Variants in TIAM1 observed in about 807,000 individuals in gnomAD.
TIAM1 encodes the protein TIAM Rac1 associated GEF 1, also known as rho guanine nucleotide exchange factor TIAM1.
Under a neutral mutation model 163.5 loss-of-function variants are expected in TIAM1, and 65 were observed. The observed-to-expected ratio is 0.40, with a 90% CI of 0.33 to 0.49. The LOEUF (loss-of-function observed/expected upper bound fraction) is 0.49, where lower values mean the gene tolerates loss of function less well. Among genes scored for constraint, TIAM1 ranks in the 20% least tolerant of loss-of-function variants. TIAM1 has a pLI of 0.77. For synonymous variants in TIAM1, 833 were observed against 810.1 expected (o/e 1.03, Z -0.48); for missense variants, 1,789 against 2,044.7 (o/e 0.87, Z 2.41).
intron 2 of TIAM1, among the ~76,000 whole-genome samples, chr21:31,385,360 A>C (rs1008313115): frequency 4.5e-4 from 69 of 152,204 alleles, no homozygotes; most frequent in African/African-American, 1.3e-3. Flanking sequence ...AATGACTATT[A>C]TCAACCATCA....
intron 4 of TIAM1, among the ~76,000 whole-genome samples, chr21:31,260,794 A>G (rs2072426201): frequency 6.6e-6 from 1 of 151,992 alleles, no homozygotes; most frequent in African/African-American, 2.4e-5. Flanking sequence ...TTTGTTTTAT[A>G]AAAACCTGAG....
intron 9 of TIAM1, among the ~76,000 whole-genome samples, chr21:31,215,390 A>G (rs2087124797): frequency 1.3e-5 from 2 of 151,882 alleles, no homozygotes; most frequent in African/African-American, 4.8e-5. Context: ...GGAGTTCGAG[A>G]CCATCCTGAC....
At chr21:31,496,720 G>C (rs149061156) in intron 1 of TIAM1, among the ~76,000 whole-genome samples, 1 of 152,164 alleles carries the variant, frequency 6.6e-6, no homozygotes, top group East Asian at 1.9e-4. Flanking sequence ...CTCACTCACT[G>C]ACCCACTCAC....
chr21:31,131,015 A>G lies in TIAM1; in HGVS notation c.3884-67T>C, dbSNP rs1192544424. 5.9e-6 allele frequency: 8 copies of G among 1,366,668 alleles called. No individual in the cohort carries two copies. In the South Asian group the frequency reaches 7.0e-5, roughly 12 times the overall value. 84.7% of individuals were successfully genotyped at this position (1,366,668 alleles called of 1,614,324 possible). On this transcript the variant is annotated intron_variant, in intron 23 of 27. Coordinates refer to ENST00000541036, the MANE Select transcript of TIAM1 (RefSeq NM_001353694.2). The stretch of plus-strand genomic sequence containing the variant: ...TAGGGTTTTCCCCTTGACATCACCA[A>G]CTTGTGGTAATAAACACTACAGTTA...
At chr21:31,227,376 T>G (rs2088050905) in intron 6 of TIAM1, among the ~76,000 whole-genome samples, 1 of 152,216 alleles carries the variant, frequency 6.6e-6, no homozygotes, top group African/African-American at 2.4e-5. Context: ...TGATCAGTTT[T>G]GTATTCCACA....
At chr21:31,123,444 A>G (rs1027717236) in intron 27 of TIAM1, among the ~76,000 whole-genome samples, 3 of 152,238 alleles carry the variant, frequency 2.0e-5, no homozygotes, top group African/African-American at 7.2e-5. Flanking sequence ...AAAACTCAGC[A>G]AAGTGCTGGG....
Position 31,198,409 on chromosome 21 carries a change from C to T in TIAM1, c.2494-3104G>A, listed in dbSNP as rs184392637. On this transcript the variant is annotated intron_variant, in intron 12 of 27. Transcript: ENST00000541036. Reference sequence around the variant, plus strand: ...TTAATGCAATTTCCACCAAATGCAACGTGTCAAGGGCATGACTGAATGTGG... The same window carrying T: ...TTAATGCAATTTCCACCAAATGCAATGTGTCAAGGGCATGACTGAATGTGG... Among the ~76,000 whole-genome samples, 28 of 152,242 alleles carry T rather than the reference C, an allele frequency of 1.8e-4. No homozygotes were observed. The South Asian group carries it at 2.1e-3, about 11-fold the overall frequency.
intron 27 of TIAM1, among the ~76,000 whole-genome samples, chr21:31,121,534 C>G (rs1347871786): frequency 6.6e-6 from 1 of 152,168 alleles, no homozygotes; most frequent in Non-Finnish European, 1.5e-5. Flanking sequence ...TCCCTGTCTT[C>G]TTTCTGACAA....
chr21:31,229,016 A>G (rs1021539472), intron 6 of TIAM1, among the ~76,000 whole-genome samples: 1 of 152,224 alleles, frequency 6.6e-6, no homozygotes, highest in Non-Finnish European at 1.5e-5. Flanking sequence ...TTACCTTCCA[A>G]TGGGTCCCTC....
At chr21:31,158,997 G>A (rs61053564) in intron 16 of TIAM1, among the ~76,000 whole-genome samples, 120 of 152,112 alleles carry the variant, frequency 7.9e-4, no homozygotes, top group African/African-American at 2.9e-3. Flanking sequence ...TTCTCAACAC[G>A]CTCCCAAAAG....
In TIAM1 at chr21:31,297,242, A is replaced by G. The variant is rs536520936; in HGVS notation, c.-188-20334T>C. ...GACAAAAGAGGACAAATACTGTATG[A>G]TTCCACTAATGCGGGGTACCTAGAA... On this transcript the variant is annotated intron_variant, in intron 2 of 27. Coordinates refer to ENST00000541036, the MANE Select transcript of TIAM1 (RefSeq NM_001353694.2). 2.6e-5 allele frequency among the ~76,000 whole-genome samples: 4 copies of G among 152,376 alleles called. 1 individual carries two copies. Among genetic ancestry groups the G allele is most frequent in the African/African-American group, 9.6e-5 (4 of 41,594 alleles).
intron 2 of TIAM1, among the ~76,000 whole-genome samples, chr21:31,463,345 C>T (rs1230708554): frequency 6.6e-6 from 1 of 152,156 alleles, no homozygotes; most frequent in Non-Finnish European, 1.5e-5. Flanking sequence ...TCACACTCCG[C>T]CCGGAGCAAA....
intron 2 of TIAM1, among the ~76,000 whole-genome samples, chr21:31,326,708 T>G (rs1189597809): frequency 6.6e-6 from 1 of 152,196 alleles, no homozygotes; most frequent in East Asian, 1.9e-4. Flanking sequence ...TGAAAGGCAT[T>G]TGTTACCCAG....
At chr21:31,459,424 A>G (rs889308421) in intron 2 of TIAM1, among the ~76,000 whole-genome samples, 1 of 152,240 alleles carries the variant, frequency 6.6e-6, no homozygotes, top group African/African-American at 2.4e-5. Context: ...ACCAACTGAG[A>G]GGCAACTGCA....
intron 1 of TIAM1, among the ~76,000 whole-genome samples, chr21:31,539,785 C>T (rs2048261669): frequency 6.6e-6 from 1 of 152,148 alleles, no homozygotes; most frequent in Admixed American, 6.6e-5. Context: ...TCATCGCACC[C>T]AGGTTGTGTG....
At chr21:31,257,246 C>G (rs945798439) in intron 4 of TIAM1, among the ~76,000 whole-genome samples, 2 of 152,076 alleles carry the variant, frequency 1.3e-5, no homozygotes, top group Non-Finnish European at 2.9e-5. Flanking sequence ...AATCTCTATG[C>G]CTTTCTTTTT....
At chr21:31,477,810 G>T (rs2045982902) in intron 1 of TIAM1, among the ~76,000 whole-genome samples, 2 of 152,170 alleles carry the variant, frequency 1.3e-5, no homozygotes, top group Non-Finnish European at 2.9e-5. Flanking sequence ...AAAGAGGAAG[G>T]AAGGCAGCAT....
At chr21:31,397,806 GC>G (rs2147212085) in intron 2 of TIAM1, among the ~76,000 whole-genome samples, 1 of 152,296 alleles carries the variant, frequency 6.6e-6, no homozygotes, top group African/African-American at 2.4e-5. Flanking sequence ...TTCTGCCAGG[GC>G]AAAACGAAAG....
chr21:31,204,675 T>C (rs1273575250), intron 11 of TIAM1, among the ~76,000 whole-genome samples: 1 of 151,954 alleles, frequency 6.6e-6, no homozygotes, highest in Non-Finnish European at 1.5e-5. Flanking sequence ...TCTTCAGGAG[T>C]GTCTGCAGCT....
Sources: gnomAD v4.1 joint callset for allele counts (sites outside exome capture counted in the v4.1 genomes callset) on GRCh38, gnomAD v4.1.1 for gene constraint, MANE v1.5 for transcripts, NCBI Gene and HGNC (gene_info 2026-07-23, HGNC 2026-07-21) for gene names.